CNOT1: variants seen among roughly 807,000 people sequenced by gnomAD.
CNOT1 encodes the protein CCR4-NOT transcription complex subunit 1, also known as CCR4-associated factor 1.
A neutral mutation model predicts 273.8 loss-of-function variants in CNOT1; 15 were observed. The observed-to-expected ratio is 0.05, with a 90% CI of 0.04 to 0.08. The LOEUF (loss-of-function observed/expected upper bound fraction) is 0.08, where lower values mean the gene tolerates loss of function less well. Among genes scored for constraint, CNOT1 ranks in the 10% least tolerant of loss-of-function variants. The pLI, the probability that CNOT1 is intolerant of heterozygous loss-of-function variation, is 1.00. For synonymous variants in CNOT1, 1,022 were observed against 1,005.5 expected, an observed-to-expected ratio of 1.02 and a Z score of -0.31; for missense variants, 1,644 against 2,912.2, an observed-to-expected ratio of 0.56 and a Z score of 10.02.
chr16:58,605,505 C>T (rs2042646492), intron 1 of CNOT1, among the ~76,000 whole-genome samples: 1 of 151,810 alleles, frequency 6.6e-6, no homozygotes, highest in Admixed American at 6.6e-5. Context: ...GACTCTGTCT[C>T]AAAATAAAAT....
At chr16:58,607,285 G>T (rs1247506255) in intron 1 of CNOT1, among the ~76,000 whole-genome samples, 1 of 152,144 alleles carries the variant, frequency 6.6e-6, no homozygotes, top group East Asian at 1.9e-4. Context: ...CCAGGACTAG[G>T]TGATTGGTGA....
chr16:58,622,453 C>G lies in CNOT1; in HGVS notation c.-175+7275G>C, dbSNP rs1312760975. Among the ~76,000 whole-genome samples, 5 of 148,952 alleles carry G rather than the reference C, an allele frequency of 3.4e-5. No individual in the cohort carries two copies. The Admixed American group carries it at 3.4e-4, about 10-fold the overall frequency. On this transcript the variant is annotated intron_variant, in intron 1 of 48. Coordinates refer to ENST00000317147, the MANE Select transcript of CNOT1 (RefSeq NM_016284.5). ...ATTTTACTGTGATCCCAAAACTGCT[C>G]TAAAAAATAAAATCAATTAAGAAAA...
intron 16 of CNOT1, among the ~76,000 whole-genome samples, chr16:58,562,705 C>G (rs529350032): frequency 3.3e-5 from 5 of 151,948 alleles, no homozygotes; most frequent in Non-Finnish European, 7.4e-5. Flanking sequence ...TGCCTGTAAT[C>G]CCAGCTACTC....
At chr16:58,554,217 AAC>A (rs1432083514) in intron 21 of CNOT1, among the ~76,000 whole-genome samples, 1 of 152,152 alleles carries the variant, frequency 6.6e-6, no homozygotes, top group Non-Finnish European at 1.5e-5. Flanking sequence ...TAAAAAAAAA[AAC>A]AGACTACTGA....
intron 11 of CNOT1, among the ~76,000 whole-genome samples, 170 bp downstream of exon 11, chr16:58,581,175 C>T (rs1306842309): frequency 1.3e-5 from 2 of 152,186 alleles, no homozygotes; most frequent in African/African-American, 2.4e-5. Flanking sequence ...CTGCCTAATA[C>T]TAAAACTATG....
intron 11 of CNOT1, 47 bp from the exon 12 acceptor site, chr16:58,580,807 A>G (rs2041630285): frequency 1.3e-6 from 2 of 1,549,952 alleles, no homozygotes; most frequent in East Asian, 4.6e-5. Flanking sequence ...TGTGAATGCT[A>G]TAAAAATCTG....
intron 1 of CNOT1, among the ~76,000 whole-genome samples, chr16:58,627,166 T>C (rs2043618658): frequency 6.6e-6 from 1 of 152,032 alleles, no homozygotes; most frequent in Non-Finnish European, 1.5e-5. Flanking sequence ...CCCAGCACTT[T>C]GGGAGGGTGA....
chr16:58,613,698 T>C (rs1168166807), intron 1 of CNOT1, among the ~76,000 whole-genome samples: 1 of 124,920 alleles, frequency 8.0e-6, no homozygotes, highest in South Asian at 2.3e-4. Flanking sequence ...CAGTGGTCTA[T>C]TTAGATTATG....
intron 1 of CNOT1, among the ~76,000 whole-genome samples, chr16:58,616,752 G>T (rs1041036553): frequency 6.6e-6 from 1 of 151,940 alleles, no homozygotes; most frequent in Non-Finnish European, 1.5e-5. Flanking sequence ...ATAATACAGT[G>T]TATGCCAATT....
chr16:58,534,502 T>TC, intron 39 of CNOT1, 107 bp from the exon 40 acceptor site: 1 of 1,224,498 alleles, frequency 8.2e-7, no homozygotes, highest in Non-Finnish European at 1.1e-6. Context: ...GTTCCTACTG[T>TC]CATATTTCTA....
At chr16:58,563,332 T>C (rs899133359) in intron 16 of CNOT1, among the ~76,000 whole-genome samples, 24 of 152,230 alleles carry the variant, frequency 1.6e-4, no homozygotes, top group African/African-American at 2.7e-4. Context: ...TTAGGAGGAA[T>C]AGGCCATACC....
intron 38 of CNOT1, 91 bp from the exon 39 acceptor site, chr16:58,537,311 C>A: frequency 6.7e-7 from 1 of 1,491,934 alleles, no homozygotes; most frequent in Non-Finnish European, 8.9e-7. Context: ...TTAACAGCAA[C>A]CACCAGAGTG....
chr16:58,612,185 A>T (rs936863338), intron 1 of CNOT1, among the ~76,000 whole-genome samples: 1 of 152,158 alleles, frequency 6.6e-6, no homozygotes, highest in Non-Finnish European at 1.5e-5. Flanking sequence ...TGATGCCAGC[A>T]ATGTTCTACC....
At chr16:58,538,975 A>G (rs2039996430) in intron 35 of CNOT1, 61 bp from the exon 36 acceptor site, 2 of 1,576,382 alleles carry the variant, frequency 1.3e-6, no homozygotes, top group South Asian at 2.3e-5. Context: ...CAACTATCAC[A>G]GCCAGAAACC....
Position 58,521,038 on chromosome 16 carries a change from TG to T in CNOT1, c.7053-3del. 1 of 1,614,128 alleles carries T rather than the reference TG, an allele frequency of 6.2e-7. No homozygotes were observed. Among genetic ancestry groups the T allele is most frequent in the Non-Finnish European group, 8.5e-7 (1 of 1,180,030 alleles). On this transcript the variant is annotated splice_region_variant and splice_polypyrimidine_tract_variant and intron_variant, in intron 48 of 48. Transcript: ENST00000317147. Reference sequence around the variant, plus strand: ...CACTGTGCGACCGACTGGAATAACCTGAAGGATGAAGACAGTTACAAATCTC... The same window carrying T: ...CACTGTGCGACCGACTGGAATAACCTAAGGATGAAGACAGTTACAAATCTC...
At chr16:58,629,384 G>A (rs2152064273) in intron 1 of CNOT1, among the ~76,000 whole-genome samples, 1 of 152,288 alleles carries the variant, frequency 6.6e-6, no homozygotes, top group Non-Finnish European at 1.5e-5. Flanking sequence ...CCCGCGCGAA[G>A]CCAGGCCCAG....
chr16:58,528,186 C>T, intron 44 of CNOT1: 1 of 530,630 alleles, frequency 1.9e-6, no homozygotes, highest in East Asian at 4.3e-5. Flanking sequence ...CAGCAAATGA[C>T]TGCCCCAACA....
At chr16:58,627,791 A>C (rs1392235638) in intron 1 of CNOT1, among the ~76,000 whole-genome samples, 1 of 152,192 alleles carries the variant, frequency 6.6e-6, no homozygotes, top group African/African-American at 2.4e-5. Flanking sequence ...TAAGAAAAGG[A>C]AATATTTTCA....
chr16:58,623,825 C>A (rs1442926070), intron 1 of CNOT1, among the ~76,000 whole-genome samples: 1 of 151,846 alleles, frequency 6.6e-6, no homozygotes, highest in Non-Finnish European at 1.5e-5. Context: ...CCCATCTCTA[C>A]CAAAAATATA....
Sources: gnomAD v4.1 joint callset for allele counts (sites outside exome capture counted in the v4.1 genomes callset) on GRCh38, gnomAD v4.1.1 for gene constraint, MANE v1.5 for transcripts, NCBI Gene and HGNC (gene_info 2026-07-23, HGNC 2026-07-21) for gene names.